Variants in CACNA1B observed in about 807,000 individuals in gnomAD.
CACNA1B encodes voltage-dependent N-type calcium channel subunit alpha-1B.
In CACNA1B, 70 loss-of-function variants were observed where a neutral mutation model predicts 247.2. The ratio of observed to expected loss-of-function variants is 0.28; its 90% CI spans 0.23 to 0.35. The LOEUF is 0.35. Ranked by LOEUF, CACNA1B falls within the 10% of genes least tolerant of loss-of-function variation. CACNA1B has a pLI of 1.00. For synonymous variants in CACNA1B, 1,231 were observed against 1,294.4 expected (o/e 0.95, Z 1.05); for missense variants, 2,367 against 3,197.4 (o/e 0.74, Z 6.26).
At position 137,940,797 on chromosome 9, in the gene CACNA1B, C is replaced by T. The variant is rs571164954; in HGVS notation, c.967-11477C>T. On this transcript the variant is annotated intron_variant, in intron 6 of 46. Coordinates refer to ENST00000371372, the MANE Select transcript of CACNA1B (RefSeq NM_000718.4). The stretch of plus-strand genomic sequence containing the variant: ...CAATAAATGTGATACACCACATAAA[C>T]AATTAAAGACAAAAATCACATGATC... Among the ~76,000 whole-genome samples the T allele has an allele frequency of 2.2e-4, 33 of 152,116 alleles. No individual in the cohort carries two copies. In the South Asian group the frequency reaches 6.4e-3, roughly 30 times the overall value.
intron 13 of CACNA1B, among the ~76,000 whole-genome samples, chr9:137,985,102 C>T (rs1002699788): frequency 6.6e-6 from 1 of 152,236 alleles, no homozygotes; most frequent in Non-Finnish European, 1.5e-5. Context: ...CGACACTGAG[C>T]CCGTGCAGTG....
At chr9:138,032,770 G>T in intron 20 of CACNA1B, 1 of 435,444 alleles carries the variant, frequency 2.3e-6, no homozygotes, top group Non-Finnish European at 4.5e-6. Flanking sequence ...TCTTCCTATA[G>T]GTAAGATGTT....
chr9:137,910,895 A>G (rs758148940), intron 3 of CACNA1B, among the ~76,000 whole-genome samples: 14 of 152,132 alleles, frequency 9.2e-5, no homozygotes, highest in Non-Finnish European at 1.8e-4. Context: ...GATGAAGTTC[A>G]ATCTAATCTA....
chr9:138,079,087 G>T (rs943589233), intron 36 of CACNA1B, among the ~76,000 whole-genome samples: 4 of 152,206 alleles, frequency 2.6e-5, no homozygotes, highest in Admixed American at 2.6e-4. Context: ...GCGAAGCTTA[G>T]TGCAGTGACC....
rs573785331 is a variant in CACNA1B at position 137,917,985 on chromosome 9, G to A, written c.966+554G>A. Among the ~76,000 whole-genome samples, 9 of 152,346 alleles carry A rather than the reference G, an allele frequency of 5.9e-5. No individual in the cohort carries two copies. Among genetic ancestry groups the A allele is most frequent in the Non-Finnish European group, 8.8e-5 (6 of 68,032 alleles). On this transcript the variant is annotated intron_variant, in intron 6 of 46. Coordinates refer to ENST00000371372, the MANE Select transcript of CACNA1B (RefSeq NM_000718.4). The surrounding 1 kb of genome is among the most constrained non-coding windows in gnomAD (Gnocchi z 5.5). ...GCCTCCCGTCCCCAGGCTGCCCGGC[G>A]AAGGTGGTGAACCGCGGAGCAGGGC... is the stretch of plus-strand genomic sequence containing the variant.
Position 138,122,152 on chromosome 9 carries a change from T to C in CACNA1B, c.*153T>C. On this transcript the variant is annotated 3_prime_UTR_variant, in exon 47 of 47. Coordinates refer to ENST00000371372, the MANE Select transcript of CACNA1B (RefSeq NM_000718.4). ...CCTCCCTCCCCCTCCTCCCCTCTTT[T>C]ACTCTAGACGACGAATAAAGCCCTG... is the stretch of plus-strand genomic sequence containing the variant. 1 of 644,842 alleles carries C rather than the reference T, an allele frequency of 1.6e-6. No homozygotes were observed. The highest frequency in any genetic ancestry group is 2.7e-6 in the Non-Finnish European group (1 of 377,290). 39.9% of individuals were successfully genotyped at this position (644,842 alleles called of 1,614,324 possible). A position where few individuals can be genotyped will look rare whatever the true frequency, so the allele number is the denominator to read the frequency against.
intron 1 of CACNA1B, 38 bp downstream of exon 1, chr9:137,878,255 G>T (rs746449712): frequency 8.1e-6 from 6 of 738,762 alleles, no homozygotes; most frequent in Non-Finnish European, 8.8e-6. Context: ...GCCGGGCGGG[G>T]ACCGGGGTGG....
chr9:137,912,012 G>A (rs1008898451), intron 3 of CACNA1B, among the ~76,000 whole-genome samples: 11 of 152,206 alleles, frequency 7.2e-5, no homozygotes, highest in African/African-American at 2.7e-4. Context: ...TCACTGTGAT[G>A]TAACAACTCT....
At position 138,007,042 on chromosome 9, in the gene CACNA1B, G is replaced by A. The variant is rs1015371312; in HGVS notation, c.2092+158G>A. Among the ~76,000 whole-genome samples the A allele has an allele frequency of 5.9e-5, 9 of 151,872 alleles. No homozygotes were observed. The highest frequency in any genetic ancestry group is 1.9e-4 in the East Asian group (1 of 5,146). On this transcript the variant is annotated intron_variant, in intron 16 of 46. Transcript: ENST00000371372. The surrounding 1 kb of genome is among the most constrained non-coding windows in gnomAD (Gnocchi z 4.1). Reference sequence around the variant, plus strand: ...GATGGAGAACATTCTGCAGGTGGCCGGAGCGCAGGGCTCTGGAGGCTTTGG... The same window carrying A: ...GATGGAGAACATTCTGCAGGTGGCCAGAGCGCAGGGCTCTGGAGGCTTTGG...
At chr9:138,093,404 A>G (rs1206274395) in intron 36 of CACNA1B, among the ~76,000 whole-genome samples, 5 of 74,060 alleles carry the variant, frequency 6.8e-5, no homozygotes, top group Non-Finnish European at 9.1e-5. Flanking sequence ...ACTCTGTCTC[A>G]AAAAAAAAAA....
At chr9:138,119,201 C>T (rs1201680935) in intron 44 of CACNA1B, among the ~76,000 whole-genome samples, 1 of 152,174 alleles carries the variant, frequency 6.6e-6, no homozygotes. Flanking sequence ...AGGACCCTCC[C>T]TGCTCATGGG....
rs779357673 is a variant in CACNA1B, at chr9:138,107,268, A to ATG, written c.5428+1462_5428+1463insGT. 2.4e-3 allele frequency among the ~76,000 whole-genome samples: 44 copies of ATG among 18,410 alleles called. 1 individual carries two copies. In the East Asian group the frequency reaches 0.038, roughly 16 times the overall value. 12.1% of individuals were successfully genotyped at this position (18,410 alleles called of 152,430 possible). ...TTTATTTATTTATTTATTTATTTATATAGGGTCTCACTGTGTCACCCAGGC... is the reference window on the plus strand; with the variant it reads ...TTTATTTATTTATTTATTTATTTATATGTAGGGTCTCACTGTGTCACCCAGGC... On this transcript the variant is annotated intron_variant, in intron 39 of 46. Transcript: ENST00000371372.
chr9:138,000,566 ACCAAG>A (rs1958564425), intron 15 of CACNA1B, among the ~76,000 whole-genome samples: 1 of 152,218 alleles, frequency 6.6e-6, no homozygotes, highest in Admixed American at 6.5e-5. Flanking sequence ...GGCGAGTTTC[ACCAAG>A]CCTTTCAAGA....
At chr9:138,043,732 T>A in intron 20 of CACNA1B, 42 bp from the exon 21 acceptor site, 1 of 1,609,056 alleles carries the variant, frequency 6.2e-7, no homozygotes, top group African/African-American at 1.3e-5. Flanking sequence ...GTGGGCTTCA[T>A]GTGCACTACA....
chr9:137,928,432 G>T (rs1957575437), intron 6 of CACNA1B, among the ~76,000 whole-genome samples: 1 of 152,120 alleles, frequency 6.6e-6, no homozygotes, highest in Non-Finnish European at 1.5e-5. Flanking sequence ...CCTTTGTCTG[G>T]TTTTGGTATC....
rs1046817847 is a variant in CACNA1B at position 138,059,516 on chromosome 9, C to T, written c.4585-138C>T. ...TACCTCTGGCCTTGTGCTGTGCCCCCTGGGGTGGCCTGTCTGCCCTGTGCT... is the reference window on the plus strand; with the variant it reads ...TACCTCTGGCCTTGTGCTGTGCCCCTTGGGGTGGCCTGTCTGCCCTGTGCT... On this transcript the variant is annotated intron_variant, in intron 30 of 46. Transcript: ENST00000371372. This position sits in a 1 kb window ranked among gnomAD's most constrained non-coding sequence, Gnocchi z 4.2. 1 of 663,600 alleles carries T rather than the reference C, an allele frequency of 1.5e-6. No homozygotes were observed. Among genetic ancestry groups the T allele is most frequent in the South Asian group, 1.8e-5 (1 of 56,240 alleles). 41.1% of individuals were successfully genotyped at this position (663,600 alleles called of 1,614,324 possible). A position where few individuals can be genotyped will look rare whatever the true frequency, so the allele number is the denominator to read the frequency against.
chr9:138,105,096 C>T (rs1961376698), intron 38 of CACNA1B, among the ~76,000 whole-genome samples: 1 of 152,240 alleles, frequency 6.6e-6, no homozygotes, highest in Non-Finnish European at 1.5e-5. Context: ...AGCTGCCTTG[C>T]GCAGAGATGG....
intron 15 of CACNA1B, among the ~76,000 whole-genome samples, chr9:137,992,796 CAA>C (rs58721134): frequency 0.38 from 39,282 of 104,406 alleles, 7,155 homozygotes; most frequent in East Asian, 0.66. Flanking sequence ...GACTCCGTCT[CAA>C]AAAAAAAAAA....
At position 138,057,127 on chromosome 9, in the gene CACNA1B, C is replaced by T. The variant is rs374270051; in HGVS notation, c.3969-605C>T. Among the ~76,000 whole-genome samples, 13 of 151,848 alleles carry T rather than the reference C, an allele frequency of 8.6e-5. No individual in the cohort carries two copies. Among genetic ancestry groups the T allele is most frequent in the African/African-American group, 2.4e-4 (10 of 41,454 alleles). ...ATTATTTTTGTATTTTTAGTAGAGA[C>T]GGGGGTTCACCATGTTAGCCAGGAT... On this transcript the variant is annotated intron_variant, in intron 26 of 46. Transcript: ENST00000371372. The surrounding 1 kb of genome is among the most constrained non-coding windows in gnomAD (Gnocchi z 4.0).
Sources: gnomAD v4.1 joint callset for allele counts (sites outside exome capture counted in the v4.1 genomes callset) on GRCh38, gnomAD v4.1.1 for gene constraint, Gnocchi (gnomAD v3.1) non-coding constraint, MANE v1.5 for transcripts, NCBI Gene and HGNC (gene_info 2026-07-23, HGNC 2026-07-21) for gene names.